Variants in CSMD1 observed in about 807,000 individuals in gnomAD.
The protein encoded by CSMD1 is CUB and Sushi multiple domains 1, also known as CUB and sushi domain-containing protein 1.
In CSMD1, 213 loss-of-function variants were observed where a neutral mutation model predicts 417.5. The observed-to-expected ratio is 0.51, with a 90% CI of 0.46 to 0.57. The LOEUF is 0.57. CSMD1 is among the 20% of genes least tolerant of loss of function. The probability of loss-of-function intolerance (pLI) is 0.00; values close to 1 mark genes in which losing one functional copy is unlikely to be tolerated. For synonymous variants in CSMD1, 2,862 were observed against 1,736.8 expected (o/e 1.65, Z -16.11); for missense variants, 6,923 against 4,529.7 (o/e 1.53, Z -15.17).
At chr8:4,264,687 G>A (rs748244760) in intron 3 of CSMD1, among the ~76,000 whole-genome samples, 1 of 152,130 alleles carries the variant, frequency 6.6e-6, no homozygotes, top group Non-Finnish European at 1.5e-5. Context: ...CCCAGAATAA[G>A]GGGAACAGGG....
chr8:3,701,419 G>T (rs1285723457), intron 7 of CSMD1, among the ~76,000 whole-genome samples: 3 of 152,064 alleles, frequency 2.0e-5, no homozygotes, highest in Admixed American at 6.6e-5. Context: ...TCTGTCCCCG[G>T]GCTGAACCGA....
At chr8:4,084,066 C>G (rs992914324) in intron 3 of CSMD1, among the ~76,000 whole-genome samples, 1 of 152,090 alleles carries the variant, frequency 6.6e-6, no homozygotes, top group African/African-American at 2.4e-5. Context: ...TCAAATGCAT[C>G]AATACATGAA....
chr8:3,562,901 T>C (rs1302025027), intron 10 of CSMD1, among the ~76,000 whole-genome samples: 1 of 151,948 alleles, frequency 6.6e-6, no homozygotes, highest in East Asian at 1.9e-4. Context: ...AACCTGCACA[T>C]GTACCCATGA....
At chr8:3,298,454 ATC>A (rs60181891) in intron 25 of CSMD1, among the ~76,000 whole-genome samples, 2 of 151,732 alleles carry the variant, frequency 1.3e-5, no homozygotes, top group East Asian at 1.9e-4. Flanking sequence ...AAACTGTACA[ATC>A]TCTCTCTCTC....
intron 3 of CSMD1, among the ~76,000 whole-genome samples, chr8:4,049,233 C>CA (rs1798299615): frequency 6.6e-6 from 1 of 152,122 alleles, no homozygotes; most frequent in South Asian, 2.1e-4. Context: ...GTAGACTTCT[C>CA]AACCTTGACA....
chr8:4,254,754 A>C lies in CSMD1; in HGVS notation c.415+165199T>G, dbSNP rs138665978. Among the ~76,000 whole-genome samples the C allele has an allele frequency of 3.9e-3, 588 of 152,150 alleles. 3 individuals carry two copies. Among genetic ancestry groups the C allele is most frequent in the Middle Eastern group, 0.027 (8 of 294 alleles). On this transcript the variant is annotated intron_variant, in intron 3 of 69. Coordinates refer to ENST00000635120, the MANE Select transcript of CSMD1 (RefSeq NM_033225.6). The stretch of plus-strand genomic sequence containing the variant: ...ATCTTCAGATCTGCAAAGTCTTACC[A>C]TTGTGTTACAGTTGCCTACAGTCTG...
At chr8:4,107,986 A>G (rs867016103) in intron 3 of CSMD1, among the ~76,000 whole-genome samples, 11 of 152,002 alleles carry the variant, frequency 7.2e-5, no homozygotes, top group African/African-American at 2.4e-4. Context: ...GGGAGCTTAG[A>G]GAAGTAGAAA....
intron 37 of CSMD1, among the ~76,000 whole-genome samples, chr8:3,166,645 C>G (rs1417016747): frequency 6.6e-6 from 1 of 152,166 alleles, no homozygotes; most frequent in Admixed American, 6.5e-5. Flanking sequence ...CTCATATTGT[C>G]AAGCCAGGGG....
chr8:4,787,768 G>T (rs1337559769), intron 1 of CSMD1: 3 of 1,582,252 alleles, frequency 1.9e-6, no homozygotes, highest in South Asian at 2.2e-5. Flanking sequence ...ATTTTGCTTC[G>T]CTGGACTTGT....
chr8:3,624,256 C>G (rs965041911), intron 7 of CSMD1, among the ~76,000 whole-genome samples: 4 of 152,142 alleles, frequency 2.6e-5, no homozygotes, highest in Non-Finnish European at 4.4e-5. Flanking sequence ...TTAGTCCAAA[C>G]CATCTGTTAG....
intron 11 of CSMD1, 52 bp downstream of exon 11, chr8:3,493,571 C>T (rs78223353): frequency 0.011 from 15,404 of 1,453,684 alleles, 333 homozygotes; most frequent in East Asian, 0.097. Context: ...CTCCACCCAC[C>T]GTGCCCCGCA....
chr8:4,749,227 AG>A (rs1476481357), intron 1 of CSMD1, among the ~76,000 whole-genome samples: 33 of 152,396 alleles, frequency 2.2e-4, no homozygotes, highest in African/African-American at 7.9e-4. Context: ...TTTTCATTAA[AG>A]GGTTAAATGT....
chr8:4,975,338 A>T (rs1810488135), intron 1 of CSMD1, among the ~76,000 whole-genome samples: 1 of 152,218 alleles, frequency 6.6e-6, no homozygotes, highest in South Asian at 2.1e-4. Flanking sequence ...AGCATTGGCA[A>T]TAAGAAAAGA....
chr8:3,373,094 C>T (rs1267583443), intron 18 of CSMD1, among the ~76,000 whole-genome samples: 1 of 152,174 alleles, frequency 6.6e-6, no homozygotes, highest in African/African-American at 2.4e-5. Flanking sequence ...AGCTACTTGT[C>T]AGTGGTCTTT....
rs546434553 is a variant in CSMD1 at position 3,912,199 on chromosome 8, G to A, written c.818+85704C>T. Among the ~76,000 whole-genome samples, 49 of 152,198 alleles carry A rather than the reference G, an allele frequency of 3.2e-4. No homozygotes were observed. In the South Asian group the frequency reaches 6.0e-3, roughly 19 times the overall value. On this transcript the variant is annotated intron_variant, in intron 5 of 69. Coordinates refer to ENST00000635120, the MANE Select transcript of CSMD1 (RefSeq NM_033225.6). ...AATTTGTAATGATTTCAGAGAAATC[G>A]TTTTCTAACTCTGATTCGACATACT...
At chr8:4,743,456 C>A (rs775858274) in intron 1 of CSMD1, among the ~76,000 whole-genome samples, 3 of 152,192 alleles carry the variant, frequency 2.0e-5, no homozygotes, top group Non-Finnish European at 2.9e-5. Flanking sequence ...CAGAGTAGAG[C>A]GCTTCTCACG....
chr8:4,668,437 A>ATTC (rs1333143623), intron 1 of CSMD1, among the ~76,000 whole-genome samples: 22 of 144,896 alleles, frequency 1.5e-4, no homozygotes, highest in East Asian at 2.0e-4. Flanking sequence ...TATTATTATT[A>ATTC]TTATTATTAT....
intron 17 of CSMD1, among the ~76,000 whole-genome samples, chr8:3,390,841 A>C (rs1235122538): frequency 6.6e-6 from 1 of 152,166 alleles, no homozygotes; most frequent in Non-Finnish European, 1.5e-5. Context: ...GAAGGAATGA[A>C]CATTTCCTGA....
At chr8:4,340,620 C>T (rs1201175575) in intron 3 of CSMD1, among the ~76,000 whole-genome samples, 1 of 152,088 alleles carries the variant, frequency 6.6e-6, no homozygotes, top group African/African-American at 2.4e-5. Flanking sequence ...GGCTGCGCCT[C>T]CTCTGCCAAT....
Sources: gnomAD v4.1 joint callset for allele counts (sites outside exome capture counted in the v4.1 genomes callset) on GRCh38, gnomAD v4.1.1 for gene constraint, MANE v1.5 for transcripts, NCBI Gene and HGNC (gene_info 2026-07-23, HGNC 2026-07-21) for gene names.